Variants in PCDHGA1 observed in about 807,000 individuals in gnomAD.
PCDHGA1 encodes protocadherin gamma-A1.
PCDHGA1 carries 32 observed loss-of-function variants against 58.0 expected under a neutral mutation model. The observed-to-expected ratio is 0.55, with a 90% CI of 0.42 to 0.74. PCDHGA1 has a LOEUF of 0.74. Ranked by LOEUF, PCDHGA1 falls within the 30% of genes least tolerant of loss-of-function variation. PCDHGA1 has a pLI of 0.00. For missense variants in PCDHGA1, 1,205 were observed against 1,182.3 expected (o/e 1.02, Z -0.28); for synonymous variants, 498 against 501.1 (o/e 0.99, Z 0.08).
At chr5:141,365,090 A>G (rs774588043) in intron 1 of PCDHGA1, 1 of 1,613,830 alleles carries the variant, frequency 6.2e-7, no homozygotes, top group East Asian at 2.2e-5. Flanking sequence ...TGTTCCAGAG[A>G]ACATACCTGT....
In PCDHGA1 at chr5:141,494,027, G is replaced by A. The variant is rs77020157; in HGVS notation, c.2422-780G>A. 1.5e-4 allele frequency among the ~76,000 whole-genome samples: 23 copies of A among 152,298 alleles called. No homozygotes were observed. In the East Asian group the frequency reaches 3.3e-3, roughly 22 times the overall value. ...ACACATCAGCCCCTTGGGAGCCCTGGAGACTTAGTTGGCCCTGCTTGGAGG... is the reference window on the plus strand; with the variant it reads ...ACACATCAGCCCCTTGGGAGCCCTGAAGACTTAGTTGGCCCTGCTTGGAGG... On this transcript the variant is annotated intron_variant, in intron 1 of 3. Coordinates refer to ENST00000517417, the MANE Select transcript of PCDHGA1 (RefSeq NM_018912.3).
At chr5:141,463,831 C>T (rs2099070299) in intron 1 of PCDHGA1, among the ~76,000 whole-genome samples, 1 of 152,174 alleles carries the variant, frequency 6.6e-6, no homozygotes, top group African/African-American at 2.4e-5. Flanking sequence ...TGATCCACTT[C>T]CCAGTTGTTA....
At chr5:141,478,519 G>A in intron 1 of PCDHGA1, 2 of 1,610,728 alleles carry the variant, frequency 1.2e-6, no homozygotes, top group Non-Finnish European at 1.7e-6. Context: ...GGCAGGTGTT[G>A]GGTGCAGAGA....
rs570765907 is a variant in PCDHGA1, at chr5:141,414,583, G to T, written c.2422-80224G>T. The T allele has an allele frequency of 5.6e-6, 9 of 1,613,854 alleles. No individual in the cohort carries two copies. In the South Asian group the frequency reaches 8.8e-5, roughly 16 times the overall value. On this transcript the variant is annotated intron_variant, in intron 1 of 3. Coordinates refer to ENST00000517417, the MANE Select transcript of PCDHGA1 (RefSeq NM_018912.3). Reference sequence around the variant, plus strand: ...CTTTACCTATATCCCAGAGAACAACGCCAGGGGTGCCTCCATCTTCTCAGT... The same window carrying T: ...CTTTACCTATATCCCAGAGAACAACTCCAGGGGTGCCTCCATCTTCTCAGT...
intron 1 of PCDHGA1, chr5:141,364,768 G>C: frequency 6.2e-7 from 1 of 1,613,956 alleles, no homozygotes; most frequent in Non-Finnish European, 8.5e-7. Context: ...ATGAAAATGC[G>C]GCTGCAGGGA....
chr5:141,499,253 T>C (rs1189676230), intron 2 of PCDHGA1, among the ~76,000 whole-genome samples: 1 of 152,030 alleles, frequency 6.6e-6, no homozygotes, highest in Non-Finnish European at 1.5e-5. Context: ...ACAAAGAGTC[T>C]CCATTTGGTC....
chr5:141,487,593 C>G lies in PCDHGA1; in HGVS notation c.2422-7214C>G. The G allele has an allele frequency of 6.2e-7, 1 of 1,614,206 alleles. No homozygotes were observed. Among genetic ancestry groups the G allele is most frequent in the African/African-American group, 1.3e-5 (1 of 75,062 alleles). On this transcript the variant is annotated intron_variant, in intron 1 of 3. Coordinates refer to ENST00000517417, the MANE Select transcript of PCDHGA1 (RefSeq NM_018912.3). This position sits in a 1 kb window ranked among gnomAD's most constrained non-coding sequence, Gnocchi z 5.0. ...CCTGTTCGCCCAAGCTGCCCACCCT[C>G]TGATCTTCTCTATGGGCTAGAGGTG...
intron 2 of PCDHGA1, among the ~76,000 whole-genome samples, chr5:141,496,121 C>A (rs1391009290): frequency 6.6e-6 from 1 of 152,088 alleles, no homozygotes; most frequent in Non-Finnish European, 1.5e-5. Flanking sequence ...TCCTTCCCTG[C>A]CCCTCACACA....
chr5:141,344,177 C>A, intron 1 of PCDHGA1: 1 of 1,614,030 alleles, frequency 6.2e-7, no homozygotes, highest in Non-Finnish European at 8.5e-7. Context: ...TGGGCAACAT[C>A]GCTAACGACC....
intron 1 of PCDHGA1, chr5:141,390,888 G>A (rs1420100403): frequency 6.7e-6 from 1 of 149,538 alleles, no homozygotes; most frequent in African/African-American, 2.4e-5. Context: ...GTGTGTGTGT[G>A]AGAGAGATCC....
chr5:141,361,581 C>T (rs1306719531), intron 1 of PCDHGA1: 2 of 1,614,056 alleles, frequency 1.2e-6, no homozygotes, highest in South Asian at 1.1e-5. Flanking sequence ...CTGACTTGGG[C>T]CCCAGTGGCC....
In PCDHGA1 at chr5:141,476,715, G is replaced by A. The variant is rs199871912; in HGVS notation, c.2422-18092G>A. 12 of 1,614,168 alleles carry A rather than the reference G, an allele frequency of 7.4e-6. No individual in the cohort carries two copies. The highest frequency in any genetic ancestry group is 1.7e-5 in the Admixed American group (1 of 60,032). On this transcript the variant is annotated intron_variant, in intron 1 of 3. Coordinates refer to ENST00000517417, the MANE Select transcript of PCDHGA1 (RefSeq NM_018912.3). The surrounding 1 kb of genome is among the most constrained non-coding windows in gnomAD (Gnocchi z 7.6). ...AAGTACGCGGAGCTGGTGTTGGAGC[G>A]CGCCCTGGACCGAGAACGGGAGCCT...
intron 2 of PCDHGA1, among the ~76,000 whole-genome samples, chr5:141,501,184 C>T (rs1209222790): frequency 6.6e-6 from 1 of 152,002 alleles, no homozygotes; most frequent in Non-Finnish European, 1.5e-5. Context: ...CATTTTAACA[C>T]AATTAAATTC....
chr5:141,366,890 T>G, intron 1 of PCDHGA1: 1 of 1,249,604 alleles, frequency 8.0e-7, no homozygotes, highest in Non-Finnish European at 1.1e-6. Flanking sequence ...TTTTTTTATA[T>G]AATTCATGCT....
chr5:141,498,919 CG>C (rs2099786825), intron 2 of PCDHGA1, among the ~76,000 whole-genome samples: 1 of 122,240 alleles, frequency 8.2e-6, no homozygotes, highest in African/African-American at 3.1e-5. Context: ...GGTGACAGAG[CG>C]AGACTCCATC....
intron 1 of PCDHGA1, chr5:141,410,361 G>A: frequency 1.9e-6 from 3 of 1,614,034 alleles, no homozygotes; most frequent in Non-Finnish European, 2.5e-6. Context: ...CGCTCTCTCA[G>A]CCCTGCTACT....
At position 141,431,258 on chromosome 5, in the gene PCDHGA1, C is replaced by G. The variant is rs754250241; in HGVS notation, c.2422-63549C>G. 6.2e-6 allele frequency: 10 copies of G among 1,614,186 alleles called. No individual in the cohort carries two copies. The highest frequency in any genetic ancestry group is 1.6e-4 in the Middle Eastern group (1 of 6,062). ...GGATCCGGATATCGGGAAGAACTCT[C>G]TGCAGAGCTACGAGCTCAGCCCGAA... On this transcript the variant is annotated intron_variant, in intron 1 of 3. Transcript: ENST00000517417. This position sits in a 1 kb window ranked among gnomAD's most constrained non-coding sequence, Gnocchi z 4.8.
intron 1 of PCDHGA1, chr5:141,366,278 G>T: frequency 1.2e-6 from 2 of 1,613,712 alleles, no homozygotes; most frequent in Non-Finnish European, 1.7e-6. Context: ...CGAAGACCAT[G>T]GCCAGCCCCC....
At chr5:141,387,499 T>A (rs57697403) in intron 1 of PCDHGA1, among the ~76,000 whole-genome samples, 12,383 of 152,290 alleles carry the variant, frequency 0.081, 653 homozygotes, top group African/African-American at 0.15. Context: ...TAAGAGTACA[T>A]TTTTAGACGT....
Sources: allele counts gnomAD v4.1 joint callset (sites outside exome capture counted in the v4.1 genomes callset), GRCh38; gene constraint gnomAD v4.1.1; non-coding constraint Gnocchi (gnomAD v3.1); transcripts MANE v1.5; gene names NCBI Gene and HGNC (gene_info 2026-07-23, HGNC 2026-07-21).